The following CCDC63 variants were observed in gnomAD, a reference collection of about 807,000 sequenced individuals.
The protein encoded by CCDC63 is coiled-coil domain-containing protein 63.
A neutral mutation model predicts 63.6 loss-of-function variants in CCDC63; 54 were observed. The observed-to-expected ratio is 0.85, with a 90% CI of 0.68 to 1.07. The LOEUF (loss-of-function observed/expected upper bound fraction) is 1.07. Among genes scored for constraint, CCDC63 ranks in the 50% least tolerant of loss-of-function variants. CCDC63 has a pLI of 0.00. For synonymous variants in CCDC63, 253 were observed against 266.1 expected (o/e 0.95, Z 0.48); for missense variants, 637 against 689.6 (o/e 0.92, Z 0.86).
chr12:110,845,233 C>T (rs1016614601), upstream of CCDC63, among the ~76,000 whole-genome samples: 2 of 152,186 alleles, frequency 1.3e-5, no homozygotes, highest in Non-Finnish European at 2.9e-5. Flanking sequence ...AATCATTTTT[C>T]AGTCGTTGAC....
At chr12:110,867,217 C>T (rs1479896472) in intron 4 of CCDC63, among the ~76,000 whole-genome samples, 3 of 127,616 alleles carry the variant, frequency 2.4e-5, no homozygotes, top group Admixed American at 1.5e-4. Flanking sequence ...GCTGGCCGGG[C>T]GGGGGGCCGA....
At chr12:110,849,380 T>C (rs2070677261) in intron 1 of CCDC63, among the ~76,000 whole-genome samples, 1 of 152,160 alleles carries the variant, frequency 6.6e-6, no homozygotes, top group African/African-American at 2.4e-5. Flanking sequence ...TGTCTTTAGG[T>C]GTGACGGTGA....
chr12:110,851,544 A>G (rs577032445), intron 1 of CCDC63, among the ~76,000 whole-genome samples: 41 of 152,252 alleles, frequency 2.7e-4, no homozygotes, highest in Admixed American at 2.4e-3. Flanking sequence ...ATTGACTGGG[A>G]TCTGGTGCTC....
intron 4 of CCDC63, among the ~76,000 whole-genome samples, chr12:110,869,568 T>G (rs944362178): frequency 6.6e-6 from 1 of 152,008 alleles, no homozygotes; most frequent in Non-Finnish European, 1.5e-5. Context: ...ATGAAGATAT[T>G]TGGGTGTGGG....
chr12:110,850,116 A>G (rs914072476), intron 1 of CCDC63, among the ~76,000 whole-genome samples: 3 of 152,340 alleles, frequency 2.0e-5, no homozygotes, highest in Non-Finnish European at 4.4e-5. Flanking sequence ...CCCAATGAGG[A>G]TGTTCATGGT....
Position 110,881,663 on chromosome 12 carries a change from A to C in CCDC63, c.853+367A>C, listed in dbSNP as rs113871839. On this transcript the variant is annotated intron_variant, in intron 7 of 11. Transcript: ENST00000308208. ...CTTGAACCCAGGAGGCAGAGGTTGCAATGAGCCAAGATCATGCCACTGCAC... is the reference window on the plus strand; with the variant it reads ...CTTGAACCCAGGAGGCAGAGGTTGCCATGAGCCAAGATCATGCCACTGCAC... 5.8e-3 allele frequency among the ~76,000 whole-genome samples: 883 copies of C among 152,296 alleles called. 4 individuals carry two copies. Among genetic ancestry groups the C allele is most frequent in the Non-Finnish European group, 9.0e-3 (612 of 68,020 alleles).
At chr12:110,867,823 C>G (rs1319923177) in intron 4 of CCDC63, among the ~76,000 whole-genome samples, 1 of 149,790 alleles carries the variant, frequency 6.7e-6, no homozygotes, top group Admixed American at 6.6e-5. Flanking sequence ...CCAGTAGGGG[C>G]GGCCGGGCAG....
At chr12:110,868,061 G>A (rs1189425875) in intron 4 of CCDC63, among the ~76,000 whole-genome samples, 10 of 149,782 alleles carry the variant, frequency 6.7e-5, no homozygotes, top group East Asian at 2.0e-4. Flanking sequence ...ACGGGGTCTC[G>A]GCCGGGCAGA....
In CCDC63 at chr12:110,893,078, C is replaced by A. The variant is rs141934863; in HGVS notation, c.1077C>A (p.Asp359Glu). 4.2e-5 allele frequency: 67 copies of A among 1,613,862 alleles called. No homozygotes were observed. The African/African-American group carries it at 7.6e-4, about 18-fold the overall frequency. ...MMHKRTQRIQDEIILLRSQQK... is the reference protein window; with the variant it reads ...MMHKRTQRIQEEIILLRSQQK... ...TGGTCTTGTTCTCTCCCGAGCAGGA[C>A]GAGATCATCCTCTTGCGATCCCAGC... Residue 359 changes from aspartate (D) to glutamate (E), a missense_variant and splice_region_variant, in exon 9 of 12, where the codon GAC becomes GAA. Transcript: ENST00000308208.
At position 110,853,385 on chromosome 12, in the gene CCDC63, C is replaced by G. The variant is rs753122016; in HGVS notation, c.10-20C>G. On this transcript the variant is annotated intron_variant, in intron 2 of 11. Transcript: ENST00000308208. Reference sequence around the variant, plus strand: ...CCACCTGGCCCACTACGGCCTCCCACTCCTCTCCATCTCCCCCAGTTGAAG... The same window carrying G: ...CCACCTGGCCCACTACGGCCTCCCAGTCCTCTCCATCTCCCCCAGTTGAAG... The G allele has an allele frequency of 1.2e-6, 2 of 1,602,818 alleles. No homozygotes were observed. Among genetic ancestry groups the G allele is most frequent in the Admixed American group, 3.5e-5 (2 of 57,160 alleles).
intron 10 of CCDC63, among the ~76,000 whole-genome samples, chr12:110,900,867 G>A (rs947872019): frequency 6.6e-6 from 1 of 152,122 alleles, no homozygotes; most frequent in African/African-American, 2.4e-5. Context: ...TAAAGTGCTG[G>A]GATTACAGGC....
chr12:110,903,742 G>A (rs1372138034), intron 10 of CCDC63, among the ~76,000 whole-genome samples: 3 of 152,196 alleles, frequency 2.0e-5, no homozygotes, highest in Non-Finnish European at 4.4e-5. Context: ...TGCAGGTAGC[G>A]AGGAGTGACC....
chr12:110,879,796 C>A, intron 5 of CCDC63, 110 bp from the exon 6 acceptor site: 2 of 1,014,636 alleles, frequency 2.0e-6, no homozygotes, highest in Non-Finnish European at 3.0e-6. Context: ...TCCTCCATGG[C>A]CCTTGCGTAT....
At chr12:110,845,512 T>C (rs894942649), upstream of CCDC63, 5 of 152,214 alleles carry the variant, frequency 3.3e-5, no homozygotes, top group African/African-American at 1.2e-4. Context: ...ACACTTCATA[T>C]GAATCATTTG....
intron 1 of CCDC63, 97 bp from the exon 2 acceptor site, chr12:110,852,762 A>G: frequency 1.3e-6 from 1 of 751,870 alleles, no homozygotes; most frequent in South Asian, 1.6e-5. Context: ...GTGTGGGTGG[A>G]GGAAGGGATG....
intron 4 of CCDC63, among the ~76,000 whole-genome samples, chr12:110,866,808 T>C (rs1250046223): frequency 2.0e-5 from 3 of 147,664 alleles, no homozygotes; most frequent in East Asian, 4.2e-4. Flanking sequence ...ATTGTCATCC[T>C]GGCCCGTTCT....
At chr12:110,845,028 G>A (rs758972193), upstream of CCDC63, among the ~76,000 whole-genome samples, 17 of 152,126 alleles carry the variant, frequency 1.1e-4, no homozygotes, top group African/African-American at 1.7e-4. Flanking sequence ...TGGCAAGCTG[G>A]CATCTCACCC....
chr12:110,870,262 A>T (rs1481570455), intron 4 of CCDC63, among the ~76,000 whole-genome samples: 1 of 152,090 alleles, frequency 6.6e-6, no homozygotes. Context: ...TTGTATTTCT[A>T]GTAGAGACGG....
intron 10 of CCDC63, among the ~76,000 whole-genome samples, chr12:110,899,563 G>A (rs561870256): frequency 6.6e-5 from 10 of 151,996 alleles, no homozygotes; most frequent in African/African-American, 2.2e-4. Context: ...CAAGTGATCC[G>A]CCCTCCTTGG....
Sources: gnomAD v4.1 joint callset for allele counts (sites outside exome capture counted in the v4.1 genomes callset) on GRCh38, gnomAD v4.1.1 for gene constraint, MANE v1.5 for transcripts, NCBI Gene and HGNC (gene_info 2026-07-23, HGNC 2026-07-21) for gene names.